Variants in BMPER observed in about 807,000 individuals in gnomAD.
The protein encoded by BMPER is BMP binding endothelial regulator.
In BMPER, 45 loss-of-function variants were observed where a neutral mutation model predicts 87.3. That is an observed-to-expected ratio of 0.52 (90% confidence interval 0.41 to 0.66). The LOEUF (loss-of-function observed/expected upper bound fraction) is 0.66, where lower values mean the gene tolerates loss of function less well. Among genes scored for constraint, BMPER ranks in the 30% least tolerant of loss-of-function variants. BMPER has a pLI of 0.00. For missense variants in BMPER, 784 were observed against 867.5 expected, an observed-to-expected ratio of 0.90 and a Z score of 1.21; for synonymous variants, 326 against 316.2, an observed-to-expected ratio of 1.03 and a Z score of -0.33.
chr7:34,057,964 C>A, intron 9 of BMPER, 95 bp from the exon 10 acceptor site: 1 of 1,094,290 alleles, frequency 9.1e-7, no homozygotes, highest in Non-Finnish European at 1.4e-6. Context: ...TCACTCAGGG[C>A]AAGAAATGCT....
At chr7:34,148,245 A>C (rs748051160) in intron 14 of BMPER, among the ~76,000 whole-genome samples, 10 of 152,172 alleles carry the variant, frequency 6.6e-5, no homozygotes, top group Non-Finnish European at 1.3e-4. Flanking sequence ...TGACAATGAC[A>C]ATCAAGTTTG....
chr7:34,132,702 C>T (rs993121799), intron 13 of BMPER, among the ~76,000 whole-genome samples: 5 of 152,268 alleles, frequency 3.3e-5, no homozygotes, highest in African/African-American at 1.2e-4. Context: ...AATACATATA[C>T]TACCTAGTTT....
At chr7:33,972,987 T>G (rs1012240926) in intron 5 of BMPER, among the ~76,000 whole-genome samples, 1 of 152,200 alleles carries the variant, frequency 6.6e-6, no homozygotes, top group Non-Finnish European at 1.5e-5. Context: ...TCAGAAGGAC[T>G]GGCATTGACC....
chr7:34,065,384 A>G (rs1788560733), intron 11 of BMPER, among the ~76,000 whole-genome samples: 1 of 152,114 alleles, frequency 6.6e-6, no homozygotes, highest in African/African-American at 2.4e-5. Context: ...GCCTCTAACC[A>G]CTAAATGCCA....
intron 2 of BMPER, among the ~76,000 whole-genome samples, chr7:33,931,739 C>T (rs1186145624): frequency 6.6e-6 from 1 of 152,174 alleles, no homozygotes; most frequent in Non-Finnish European, 1.5e-5. Context: ...GCACTTGAAA[C>T]AAGACATCCA....
At chr7:33,924,741 C>T (rs1034017110) in intron 2 of BMPER, among the ~76,000 whole-genome samples, 7 of 152,190 alleles carry the variant, frequency 4.6e-5, no homozygotes, top group African/African-American at 1.7e-4. Context: ...AATCTTGGCT[C>T]ACTGCAACCT....
At chr7:34,091,291 A>G (rs1789373531) in intron 13 of BMPER, among the ~76,000 whole-genome samples, 1 of 152,234 alleles carries the variant, frequency 6.6e-6, no homozygotes, top group Non-Finnish European at 1.5e-5. Context: ...ATGCTATTCT[A>G]TAATTAAAAT....
intron 13 of BMPER, among the ~76,000 whole-genome samples, chr7:34,136,675 G>T (rs1007699259): frequency 7.9e-5 from 12 of 152,232 alleles, no homozygotes; most frequent in African/African-American, 2.7e-4. Context: ...CCAAATGGTG[G>T]TTTTCTTGCT....
chr7:34,114,877 G>C (rs1236061545), intron 13 of BMPER, among the ~76,000 whole-genome samples: 1 of 152,258 alleles, frequency 6.6e-6, no homozygotes, highest in Non-Finnish European at 1.5e-5. Flanking sequence ...ATGAGTTAAG[G>C]TTGGAGAGAT....
At chr7:33,942,814 A>G (rs1231570873) in intron 3 of BMPER, among the ~76,000 whole-genome samples, 1 of 152,218 alleles carries the variant, frequency 6.6e-6, no homozygotes, top group Non-Finnish European at 1.5e-5. Context: ...GAAAATCAGT[A>G]GAATGATTAA....
chr7:33,930,234 A>G (rs1784450351), intron 2 of BMPER, among the ~76,000 whole-genome samples: 1 of 151,898 alleles, frequency 6.6e-6, no homozygotes, highest in South Asian at 2.1e-4. Flanking sequence ...GAGTTGAGAG[A>G]CATGACCCAG....
intron 13 of BMPER, among the ~76,000 whole-genome samples, chr7:34,139,187 A>C (rs945882296): frequency 2.6e-5 from 4 of 152,242 alleles, no homozygotes; most frequent in African/African-American, 4.8e-5. Context: ...AGAAGCATGC[A>C]AAATTATTCC....
chr7:34,009,532 G>A (rs942621327), intron 6 of BMPER, among the ~76,000 whole-genome samples: 2 of 151,894 alleles, frequency 1.3e-5, no homozygotes, highest in Non-Finnish European at 2.9e-5. Context: ...AGACTTAGCT[G>A]TTGGGGAATA....
chr7:34,135,241 G>A (rs1790691400), intron 13 of BMPER, among the ~76,000 whole-genome samples: 1 of 152,132 alleles, frequency 6.6e-6, no homozygotes, highest in African/African-American at 2.4e-5. Flanking sequence ...TTGTTAATTT[G>A]GTTGTTGGAT....
intron 13 of BMPER, among the ~76,000 whole-genome samples, chr7:34,126,356 A>G (rs1349800742): frequency 1.3e-5 from 2 of 152,224 alleles, no homozygotes; most frequent in African/African-American, 2.4e-5. Context: ...CTTGTGGACC[A>G]TGACTAGGGC....
chr7:33,950,044 C>A (rs1391454792), intron 3 of BMPER, among the ~76,000 whole-genome samples: 1 of 152,164 alleles, frequency 6.6e-6, no homozygotes, highest in Non-Finnish European at 1.5e-5. Flanking sequence ...TTTATCTCAA[C>A]CCATTTATTC....
intron 3 of BMPER, among the ~76,000 whole-genome samples, chr7:33,962,045 AT>A (rs1318516558): frequency 6.6e-6 from 1 of 152,200 alleles, no homozygotes; most frequent in South Asian, 2.1e-4. Context: ...GGCCAATGCC[AT>A]TTTTTATGGT....
chr7:33,994,509 T>C (rs553691741), intron 6 of BMPER, among the ~76,000 whole-genome samples: 3,201 of 152,282 alleles, frequency 0.021, 106 homozygotes, highest in African/African-American at 0.073. Flanking sequence ...CACTGACCTG[T>C]GCCCACTGTC....
intron 13 of BMPER, among the ~76,000 whole-genome samples, chr7:34,096,366 G>A (rs1789531035): frequency 6.6e-6 from 1 of 152,234 alleles, no homozygotes; most frequent in African/African-American, 2.4e-5. Context: ...ACTGGCCTCT[G>A]TGCTGTTTTG....
Sources: gnomAD v4.1 joint callset for allele counts (sites outside exome capture counted in the v4.1 genomes callset) on GRCh38, gnomAD v4.1.1 for gene constraint, MANE v1.5 for transcripts, NCBI Gene and HGNC (gene_info 2026-07-23, HGNC 2026-07-21) for gene names.